Variants in PCCA observed in about 807,000 individuals in gnomAD.
PCCA encodes propionyl-CoA carboxylase subunit alpha.
PCCA carries 74 observed loss-of-function variants against 101.3 expected under a neutral mutation model. The observed-to-expected ratio is 0.73, with a 90% CI of 0.61 to 0.89. The LOEUF is 0.89. PCCA is among the 40% of genes least tolerant of loss of function. PCCA has a pLI of 0.00. For missense variants in PCCA, 891 were observed against 907.0 expected (o/e 0.98, Z 0.23); for synonymous variants, 294 against 313.6 (o/e 0.94, Z 0.66).
chr13:100,096,197 A>G (rs929661145), intron 1 of PCCA, among the ~76,000 whole-genome samples: 1 of 152,044 alleles, frequency 6.6e-6, no homozygotes, highest in African/African-American at 2.4e-5. Context: ...TGCTTTGAGC[A>G]ACTGTATTGG....
At position 100,439,137 on chromosome 13, in the gene PCCA, C is replaced by CA. The variant is rs1254524508; in HGVS notation, c.1846-10111dup. Among the ~76,000 whole-genome samples, 16 of 152,268 alleles carry CA rather than the reference C, an allele frequency of 1.1e-4. No individual in the cohort carries two copies. In the East Asian group the frequency reaches 3.1e-3, roughly 29 times the overall value. On this transcript the variant is annotated intron_variant, in intron 20 of 23. Transcript: ENST00000376285. ...GTTACTGGGTTAGACCACTCACAGGCAAAATTTTTTGTAAACCAGAGAGTG... is the reference window on the plus strand; with the variant it reads ...GTTACTGGGTTAGACCACTCACAGGCAAAAATTTTTTGTAAACCAGAGAGTG...
At chr13:100,243,319 G>GTA (rs1566782235) in intron 8 of PCCA, among the ~76,000 whole-genome samples, 2 of 152,258 alleles carry the variant, frequency 1.3e-5, no homozygotes, top group Middle Eastern at 3.4e-3. Flanking sequence ...AATGAAATAT[G>GTA]TATATATATG....
intron 19 of PCCA, among the ~76,000 whole-genome samples, chr13:100,415,457 GCAGAA>G (rs1250910569): frequency 1.3e-5 from 2 of 152,104 alleles, no homozygotes; most frequent in African/African-American, 2.4e-5. Flanking sequence ...CACAGTTTGT[GCAGAA>G]CAGTCACTTC....
chr13:100,407,282 CT>C (rs1341064006), intron 19 of PCCA, among the ~76,000 whole-genome samples: 1 of 152,202 alleles, frequency 6.6e-6, no homozygotes, highest in Non-Finnish European at 1.5e-5. Context: ...GTTTACCTCT[CT>C]TTCTGGACAT....
intron 7 of PCCA, among the ~76,000 whole-genome samples, chr13:100,229,583 C>T (rs1399800560): frequency 1.3e-5 from 2 of 152,152 alleles, no homozygotes; most frequent in Admixed American, 6.5e-5. Flanking sequence ...CTCAGTATTC[C>T]ACAAGTTACT....
chr13:100,303,686 A>G (rs76277274), intron 14 of PCCA, among the ~76,000 whole-genome samples: 2 of 152,024 alleles, frequency 1.3e-5, no homozygotes, highest in African/African-American at 2.4e-5. Flanking sequence ...TGAATATTCA[A>G]ATTATTCATT....
intron 8 of PCCA, among the ~76,000 whole-genome samples, chr13:100,244,964 T>TGTGTGCGC (rs1375489263): frequency 1.4e-5 from 2 of 142,312 alleles, no homozygotes; most frequent in African/African-American, 5.1e-5. Flanking sequence ...TGTGTGTGTG[T>TGTGTGCGC]GCGCAGTAGT....
At chr13:100,409,520 A>G (rs1290852883) in intron 19 of PCCA, among the ~76,000 whole-genome samples, 1 of 152,098 alleles carries the variant, frequency 6.6e-6, no homozygotes, top group Non-Finnish European at 1.5e-5. Flanking sequence ...CTACTTCCAC[A>G]TAGGAAGAGG....
At position 100,425,767 on chromosome 13, in the gene PCCA, C is replaced by G. The variant is rs747129854; in HGVS notation, c.1845+36C>G. On this transcript the variant is annotated intron_variant, in intron 20 of 23. Coordinates refer to ENST00000376285, the MANE Select transcript of PCCA (RefSeq NM_000282.4). ...TAAGGATTTCCTTAGAGGGCCTCCT[C>G]AAGTCCAGAATCCTTGTCAGCACCT... 18 of 1,363,536 alleles carry G rather than the reference C, an allele frequency of 1.3e-5. 2 individuals carry two copies. In the South Asian group the frequency reaches 2.1e-4, roughly 16 times the overall value. The allele number at this position is 1,363,536 out of a possible 1,614,324, so 84.5% of individuals were successfully genotyped here.
At chr13:100,203,552 G>C (rs1456163751) in intron 6 of PCCA, among the ~76,000 whole-genome samples, 1 of 151,960 alleles carries the variant, frequency 6.6e-6, no homozygotes, top group Admixed American at 6.6e-5. Flanking sequence ...ATATTAGCCC[G>C]GCATGGTGGG....
At chr13:100,135,312 G>A (rs2051028292) in intron 4 of PCCA, among the ~76,000 whole-genome samples, 1 of 151,902 alleles carries the variant, frequency 6.6e-6, no homozygotes, top group Admixed American at 6.6e-5. Flanking sequence ...AATTGCTTGA[G>A]CCCAGGAGTT....
rs140361194 is a variant in PCCA, at chr13:100,143,953, A to T, written c.301-11026A>T. ...GAAATTTTTTTTTTTTTTTGTAGAG[A>T]TGGGGCCTCTGTGTTGCCCAAGCTG... On this transcript the variant is annotated intron_variant, in intron 4 of 23. Transcript: ENST00000376285. 2.3e-3 allele frequency among the ~76,000 whole-genome samples: 336 copies of T among 148,940 alleles called. 1 individual carries two copies. The highest frequency in any genetic ancestry group is 3.6e-3 in the Non-Finnish European group (243 of 67,380).
At chr13:100,244,964 T>TGTGTGC (rs1375489263) in intron 8 of PCCA, among the ~76,000 whole-genome samples, 2 of 142,420 alleles carry the variant, frequency 1.4e-5, no homozygotes, top group African/African-American at 5.1e-5. Context: ...TGTGTGTGTG[T>TGTGTGC]GCGCAGTAGT....
chr13:100,393,554 G>T (rs2076911808), intron 19 of PCCA, among the ~76,000 whole-genome samples: 1 of 151,680 alleles, frequency 6.6e-6, no homozygotes. Context: ...TAGTAGCTGG[G>T]TTTACAGGCG....
At chr13:100,439,968 ATAAC>A (rs1241605333) in intron 20 of PCCA, among the ~76,000 whole-genome samples, 3 of 151,812 alleles carry the variant, frequency 2.0e-5, no homozygotes, top group Non-Finnish European at 4.4e-5. Flanking sequence ...TTTATTATAA[ATAAC>A]AGTGCAGAGC....
rs561474387 is a variant in PCCA, at chr13:100,105,694, T to G, written c.183+2734T>G. The stretch of plus-strand genomic sequence containing the variant: ...AAAAAAAAAAACACCCCACAAAAAT[T>G]AGCTGGGTGTGGTGGCGTGCACCAG... On this transcript the variant is annotated intron_variant, in intron 2 of 23. Transcript: ENST00000376285. Among the ~76,000 whole-genome samples the G allele has an allele frequency of 2.1e-5, 3 of 142,324 alleles. No homozygotes were observed. In the South Asian group the frequency reaches 6.7e-4, roughly 32 times the overall value. The allele number at this position is 142,324 out of a possible 152,430, so 93.4% of individuals were successfully genotyped here. A position where few individuals can be genotyped will look rare whatever the true frequency, so the allele number is the denominator to read the frequency against.
chr13:100,305,254 T>C (rs2066360606), intron 14 of PCCA, among the ~76,000 whole-genome samples: 1 of 152,200 alleles, frequency 6.6e-6, no homozygotes, highest in Non-Finnish European at 1.5e-5. Context: ...AAAGTTAAGA[T>C]GACATAACTT....
chr13:100,451,222 T>A (rs1319887497), intron 21 of PCCA, among the ~76,000 whole-genome samples: 1 of 152,094 alleles, frequency 6.6e-6, no homozygotes, highest in Non-Finnish European at 1.5e-5. Flanking sequence ...TCGTCTCATC[T>A]AAAAATATCT....
intron 17 of PCCA, among the ~76,000 whole-genome samples, chr13:100,331,508 G>C (rs1051721158): frequency 1.3e-5 from 2 of 152,016 alleles, no homozygotes; most frequent in Admixed American, 1.3e-4. Context: ...TGAGTTGTTG[G>C]GTGCATTTAT....
Sources: allele counts gnomAD v4.1 joint callset (sites outside exome capture counted in the v4.1 genomes callset), GRCh38; gene constraint gnomAD v4.1.1; transcripts MANE v1.5; gene names NCBI Gene and HGNC (gene_info 2026-07-23, HGNC 2026-07-21).